Variants in TOX observed in about 807,000 individuals in gnomAD.
TOX encodes thymocyte selection associated high mobility group box.
A neutral mutation model predicts 53.7 loss-of-function variants in TOX; 11 were observed. That is an observed-to-expected ratio of 0.20 (90% CI 0.13 to 0.34). The LOEUF (loss-of-function observed/expected upper bound fraction) is 0.34, where lower values mean the gene tolerates loss of function less well. Ranked by LOEUF, TOX falls within the 10% of genes least tolerant of loss-of-function variation. The probability of loss-of-function intolerance (pLI) is 1.00; values close to 1 mark genes in which losing one functional copy is unlikely to be tolerated. For missense variants in TOX, 570 were observed against 664.6 expected (o/e 0.86, Z 1.56); for synonymous variants, 225 against 245.3 (o/e 0.92, Z 0.77).
intron 3 of TOX, among the ~76,000 whole-genome samples, chr8:58,881,881 T>C (rs1811389632): frequency 6.6e-6 from 1 of 152,136 alleles, no homozygotes; most frequent in Non-Finnish European, 1.5e-5. Flanking sequence ...CCCTGTAAGA[T>C]GGATAGGGAA....
intron 3 of TOX, among the ~76,000 whole-genome samples, chr8:58,924,945 C>G (rs1463142): frequency 6.6e-6 from 1 of 151,942 alleles, no homozygotes; most frequent in South Asian, 2.1e-4. Flanking sequence ...GAGAACAATG[C>G]GAGAGAATGT....
At chr8:58,932,096 T>C (rs956470445) in intron 3 of TOX, among the ~76,000 whole-genome samples, 3 of 152,150 alleles carry the variant, frequency 2.0e-5, no homozygotes, top group Admixed American at 1.3e-4. Context: ...AACAATTAAC[T>C]ATAAACAACA....
chr8:59,063,814 A>G (rs915829745), intron 1 of TOX, among the ~76,000 whole-genome samples: 1 of 152,152 alleles, frequency 6.6e-6, no homozygotes, highest in African/African-American at 2.4e-5. Context: ...ACCACTGTAA[A>G]TCACATGAAC....
At chr8:58,912,448 C>T (rs1197779182) in intron 3 of TOX, among the ~76,000 whole-genome samples, 1 of 152,144 alleles carries the variant, frequency 6.6e-6, no homozygotes, top group African/African-American at 2.4e-5. Flanking sequence ...TTTCAAAGGG[C>T]CGGCTGACTA....
At chr8:58,891,037 G>A (rs750108088) in intron 3 of TOX, among the ~76,000 whole-genome samples, 3 of 151,984 alleles carry the variant, frequency 2.0e-5, no homozygotes, top group Non-Finnish European at 4.4e-5. Flanking sequence ...TCTCCTCCCT[G>A]CATTTTTTCT....
intron 3 of TOX, among the ~76,000 whole-genome samples, chr8:58,869,700 A>G (rs1811165919): frequency 6.6e-6 from 1 of 152,160 alleles, no homozygotes; most frequent in South Asian, 2.1e-4. Context: ...ATACAAGGTT[A>G]AAGTTCAACA....
At chr8:58,986,384 G>C (rs887315974) in intron 1 of TOX, among the ~76,000 whole-genome samples, 1 of 152,166 alleles carries the variant, frequency 6.6e-6, no homozygotes, top group South Asian at 2.1e-4. Flanking sequence ...CTGAAGCCAC[G>C]GAAAAGCAAG....
chr8:59,075,913 G>A (rs538642723), intron 1 of TOX, among the ~76,000 whole-genome samples: 1 of 152,224 alleles, frequency 6.6e-6, no homozygotes, highest in South Asian at 2.1e-4. Context: ...GCTGAGGCAG[G>A]GGAATCGCTT....
chr8:58,887,125 C>T (rs1292954539), intron 3 of TOX, among the ~76,000 whole-genome samples: 2 of 151,858 alleles, frequency 1.3e-5, no homozygotes, highest in Non-Finnish European at 1.5e-5. Flanking sequence ...GTGAAATCAA[C>T]ACATTTTCTA....
chr8:59,085,967 T>A (rs968302418), intron 1 of TOX, among the ~76,000 whole-genome samples: 6 of 126,102 alleles, frequency 4.8e-5, no homozygotes, highest in Non-Finnish European at 7.6e-5. Context: ...CTTTTTCTTT[T>A]TCTTTTCTTT....
rs141867036 is a variant in TOX at position 59,086,071 on chromosome 8, C to T, written c.102+32815G>A. Among the ~76,000 whole-genome samples, 751 of 149,750 alleles carry T rather than the reference C, an allele frequency of 5.0e-3. 1 individual carries two copies. Among genetic ancestry groups the T allele is most frequent in the South Asian group, 0.011 (53 of 4,696 alleles). On this transcript the variant is annotated intron_variant, in intron 1 of 8. Transcript: ENST00000361421. Reference sequence around the variant, plus strand: ...CACAATCTCAGCTCACTGCAACCTCCGCCTGTGGGGTTCAAGTGATTCTCC... The same window carrying T: ...CACAATCTCAGCTCACTGCAACCTCTGCCTGTGGGGTTCAAGTGATTCTCC...
At chr8:58,943,743 A>G (rs1028409572) in intron 2 of TOX, among the ~76,000 whole-genome samples, 2 of 151,788 alleles carry the variant, frequency 1.3e-5, no homozygotes, top group Non-Finnish European at 1.5e-5. Flanking sequence ...CAAAGGTGGT[A>G]TCATCTTCTT....
chr8:58,948,153 G>T (rs1025765100), intron 2 of TOX, among the ~76,000 whole-genome samples: 6 of 152,172 alleles, frequency 3.9e-5, no homozygotes, highest in Admixed American at 3.9e-4. Flanking sequence ...CCTGGGCTGG[G>T]GGACCCTGAG....
chr8:58,818,958 A>G (rs926134819), intron 6 of TOX, among the ~76,000 whole-genome samples: 3 of 152,212 alleles, frequency 2.0e-5, no homozygotes, highest in Non-Finnish European at 4.4e-5. Context: ...ACTCATTTAG[A>G]TGAGGAAAAA....
intron 5 of TOX, among the ~76,000 whole-genome samples, chr8:58,836,859 T>A (rs1342995768): frequency 6.6e-6 from 1 of 152,208 alleles, no homozygotes; most frequent in Non-Finnish European, 1.5e-5. Flanking sequence ...TATTCTCTGT[T>A]CTATCCTCAG....
intron 1 of TOX, among the ~76,000 whole-genome samples, chr8:58,997,760 G>C (rs1204471449): frequency 6.6e-6 from 1 of 152,066 alleles, no homozygotes; most frequent in Non-Finnish European, 1.5e-5. Context: ...TTTATAGTAG[G>C]ATTATACATT....
intron 1 of TOX, among the ~76,000 whole-genome samples, chr8:59,078,994 T>C (rs780453873): frequency 1.3e-5 from 2 of 152,214 alleles, no homozygotes; most frequent in Non-Finnish European, 2.9e-5. Context: ...GTTCATCCCC[T>C]AGGGATCTAT....
At chr8:59,061,601 T>A (rs1585995203) in intron 1 of TOX, among the ~76,000 whole-genome samples, 1 of 152,062 alleles carries the variant, frequency 6.6e-6, no homozygotes, top group Admixed American at 6.6e-5. Flanking sequence ...AAAACCCCCA[T>A]CTGGCTGTAA....
intron 1 of TOX, among the ~76,000 whole-genome samples, chr8:58,989,073 G>C (rs369540805): frequency 1.4e-4 from 22 of 152,186 alleles, no homozygotes; most frequent in Admixed American, 3.9e-4. Flanking sequence ...CCAGCACTGT[G>C]GGGGGCCGAG....
Sources: allele counts gnomAD v4.1 joint callset (sites outside exome capture counted in the v4.1 genomes callset), GRCh38; gene constraint gnomAD v4.1.1; transcripts MANE v1.5; gene names NCBI Gene and HGNC (gene_info 2026-07-23, HGNC 2026-07-21).